KCTD8: variants seen among roughly 807,000 people sequenced by gnomAD.
KCTD8 encodes the protein potassium channel tetramerization domain containing 8, also known as BTB/POZ domain-containing protein KCTD8.
KCTD8 carries 27 observed loss-of-function variants against 31.5 expected under a neutral mutation model. The observed-to-expected ratio is 0.86, with a 90% confidence interval of 0.63 to 1.18. The LOEUF (loss-of-function observed/expected upper bound fraction) is 1.18. Among genes scored for constraint, KCTD8 ranks in the 50% most tolerant of loss-of-function variants. The probability of loss-of-function intolerance (pLI) is 0.00; values close to 1 mark genes in which losing one functional copy is unlikely to be tolerated. For synonymous variants in KCTD8, 290 were observed against 280.0 expected (o/e 1.04, Z -0.36); for missense variants, 658 against 647.7 (o/e 1.02, Z -0.17).
In KCTD8 at chr4:44,230,903, T is replaced by A. The variant is rs191239247; in HGVS notation, c.962-55653A>T. Among the ~76,000 whole-genome samples the A allele has an allele frequency of 1.1e-4, 16 of 152,240 alleles. No individual in the cohort carries two copies. The East Asian group carries it at 3.1e-3, about 29-fold the overall frequency. On this transcript the variant is annotated intron_variant, in intron 1 of 1. Coordinates refer to ENST00000360029, the MANE Select transcript of KCTD8 (RefSeq NM_198353.3). Reference sequence around the variant, plus strand: ...TTGGGAATATCCAGATTCTCAAGCATAATAGATGGAAAATAATGTGATTTC... The same window carrying A: ...TTGGGAATATCCAGATTCTCAAGCAAAATAGATGGAAAATAATGTGATTTC...
At chr4:44,293,363 T>C (rs1244655927) in intron 1 of KCTD8, 1 of 419,248 alleles carries the variant, frequency 2.4e-6, no homozygotes, top group African/African-American at 2.1e-5. Context: ...TAAAACCAGA[T>C]TAATTTATCT....
At chr4:44,399,908 C>T (rs1384073053) in intron 1 of KCTD8, among the ~76,000 whole-genome samples, 1 of 152,118 alleles carries the variant, frequency 6.6e-6, no homozygotes, top group Non-Finnish European at 1.5e-5. Flanking sequence ...TCTAGATAAG[C>T]CAAATCTATC....
At chr4:44,348,102 A>G (rs1450235371) in intron 1 of KCTD8, among the ~76,000 whole-genome samples, 1 of 152,206 alleles carries the variant, frequency 6.6e-6, no homozygotes, top group Non-Finnish European at 1.5e-5. Context: ...ATAACATAGA[A>G]GGACAAGGTA....
chr4:44,394,134 T>C (rs1267144121), intron 1 of KCTD8, among the ~76,000 whole-genome samples: 1 of 152,014 alleles, frequency 6.6e-6, no homozygotes, highest in Non-Finnish European at 1.5e-5. Context: ...TCCAAAAACC[T>C]AATTACGAGT....
intron 1 of KCTD8, among the ~76,000 whole-genome samples, chr4:44,428,763 A>G (rs1721404419): frequency 6.6e-6 from 1 of 151,872 alleles, no homozygotes; most frequent in African/African-American, 2.4e-5. Context: ...TGGTTTGTGT[A>G]TCAGAAGGCA....
intron 1 of KCTD8, among the ~76,000 whole-genome samples, chr4:44,319,443 G>A (rs559594510): frequency 6.6e-6 from 1 of 151,314 alleles, no homozygotes; most frequent in Non-Finnish European, 1.5e-5. Flanking sequence ...AGGATTTAGG[G>A]ACTGAGTACC....
intron 1 of KCTD8, among the ~76,000 whole-genome samples, chr4:44,348,323 T>C (rs1719087360): frequency 6.6e-6 from 1 of 152,176 alleles, no homozygotes; most frequent in Admixed American, 6.6e-5. Context: ...CCGCTATCAA[T>C]GTAACATCGA....
chr4:44,260,479 T>C (rs1040434799), intron 1 of KCTD8, among the ~76,000 whole-genome samples: 17 of 151,502 alleles, frequency 1.1e-4, no homozygotes, highest in Non-Finnish European at 4.4e-5. Context: ...GAAGAAAAAA[T>C]AAGTCAGAGT....
At chr4:44,282,972 T>C (rs1162051130) in intron 1 of KCTD8, among the ~76,000 whole-genome samples, 1 of 151,678 alleles carries the variant, frequency 6.6e-6, no homozygotes, top group African/African-American at 2.4e-5. Flanking sequence ...CAGCAAGTCA[T>C]TCAGAATATC....
At chr4:44,300,778 CATATGT>C (rs1717589381) in intron 1 of KCTD8, among the ~76,000 whole-genome samples, 1 of 152,008 alleles carries the variant, frequency 6.6e-6, no homozygotes, top group African/African-American at 2.4e-5. Flanking sequence ...AGGTTAGTTA[CATATGT>C]ATATATGTGC....
chr4:44,175,753 C>T (rs1423795731), intron 1 of KCTD8, among the ~76,000 whole-genome samples: 1 of 152,132 alleles, frequency 6.6e-6, no homozygotes, highest in Non-Finnish European at 1.5e-5. Context: ...CCCAGAGCTG[C>T]AATCACATCA....
chr4:44,319,480 A>G (rs568824820), intron 1 of KCTD8, among the ~76,000 whole-genome samples: 2 of 152,000 alleles, frequency 1.3e-5, no homozygotes, highest in African/African-American at 4.8e-5. Flanking sequence ...AAAAAATGCA[A>G]CACAGGGCAA....
chr4:44,346,781 C>G (rs950853517), intron 1 of KCTD8, among the ~76,000 whole-genome samples: 2 of 152,050 alleles, frequency 1.3e-5, no homozygotes, highest in Non-Finnish European at 1.5e-5. Flanking sequence ...TTCCTAATTA[C>G]GTATATATGT....
chr4:44,357,757 T>C (rs1043973377), intron 1 of KCTD8, among the ~76,000 whole-genome samples: 2 of 151,894 alleles, frequency 1.3e-5, no homozygotes, highest in Non-Finnish European at 2.9e-5. Flanking sequence ...AAGTAGAGAT[T>C]TTTTTTCATA....
rs148607600 is a variant in KCTD8 at position 44,303,581 on chromosome 4, T to C, written c.962-128331A>G. On this transcript the variant is annotated intron_variant, in intron 1 of 1. Transcript: ENST00000360029. Reference sequence around the variant, plus strand: ...CTGTAATCCCAGTACTTTGGGAGGCTGAGGCAGGTGGATTGCTTGAGCTCA... The same window carrying C: ...CTGTAATCCCAGTACTTTGGGAGGCCGAGGCAGGTGGATTGCTTGAGCTCA... Among the ~76,000 whole-genome samples, 65 of 152,180 alleles carry C rather than the reference T, an allele frequency of 4.3e-4. No individual in the cohort carries two copies. In the East Asian group the frequency reaches 0.012, roughly 29 times the overall value.
intron 1 of KCTD8, among the ~76,000 whole-genome samples, chr4:44,280,087 A>G (rs1466698253): frequency 1.3e-5 from 2 of 152,104 alleles, no homozygotes; most frequent in African/African-American, 4.8e-5. Flanking sequence ...TATGAAATTT[A>G]TATAATTCCT....
chr4:44,396,701 C>A (rs1720514127), intron 1 of KCTD8, among the ~76,000 whole-genome samples: 1 of 152,074 alleles, frequency 6.6e-6, no homozygotes, highest in Admixed American at 6.6e-5. Context: ...CACCAGAATT[C>A]ATTAGTTGCA....
At chr4:44,232,201 T>G (rs750425403) in intron 1 of KCTD8, among the ~76,000 whole-genome samples, 1 of 152,160 alleles carries the variant, frequency 6.6e-6, no homozygotes, top group Non-Finnish European at 1.5e-5. Flanking sequence ...AAAGACTCCT[T>G]CATATTGCTC....
chr4:44,286,955 T>C (rs970512533), intron 1 of KCTD8, among the ~76,000 whole-genome samples: 8 of 152,144 alleles, frequency 5.3e-5, no homozygotes, highest in African/African-American at 1.7e-4. Context: ...AATGTAACTA[T>C]TGGGTTTTTA....
Sources: allele counts gnomAD v4.1 joint callset (sites outside exome capture counted in the v4.1 genomes callset), GRCh38; gene constraint gnomAD v4.1.1; transcripts MANE v1.5; gene names NCBI Gene and HGNC (gene_info 2026-07-23, HGNC 2026-07-21).